FHIT: variants seen among roughly 807,000 people sequenced by gnomAD.
FHIT encodes bis(5'-adenosyl)-triphosphatase.
A neutral mutation model predicts 17.9 loss-of-function variants in FHIT; 19 were observed. The observed-to-expected ratio is 1.06, with a 90% CI of 0.74 to 1.56. The LOEUF is 1.56. Ranked by LOEUF, FHIT falls within the 40% of genes most tolerant of loss-of-function variation. The pLI is 0.00. For synonymous variants in FHIT, 81 were observed against 69.7 expected, an observed-to-expected ratio of 1.16 and a Z score of -0.81; for missense variants, 248 against 189.2, an observed-to-expected ratio of 1.31 and a Z score of -1.82.
At chr3:61,047,789 T>G (rs868655978) in intron 2 of FHIT, among the ~76,000 whole-genome samples, 1 of 151,434 alleles carries the variant, frequency 6.6e-6, no homozygotes, top group Middle Eastern at 3.4e-3. Flanking sequence ...TATAGACCAA[T>G]GGAACAGAAC....
At chr3:59,853,343 C>T (rs1702019593) in intron 8 of FHIT, among the ~76,000 whole-genome samples, 1 of 152,112 alleles carries the variant, frequency 6.6e-6, no homozygotes, top group African/African-American at 2.4e-5. Context: ...TCAAACTGGC[C>T]ATTGTAAGCT....
chr3:60,789,169 T>TAGAG (rs1223357758), intron 4 of FHIT, among the ~76,000 whole-genome samples: 12 of 125,034 alleles, frequency 9.6e-5, no homozygotes, highest in African/African-American at 2.2e-4. Context: ...TATATATATA[T>TAGAG]ATATATAGAG....
rs148013554 is a variant in FHIT at position 60,195,553 on chromosome 3, A to ATATATATATATATATATATT, written c.104-181402_104-181401insAATATATATATATATATATA. On this transcript the variant is annotated intron_variant, in intron 5 of 9. Coordinates refer to ENST00000492590, the MANE Select transcript of FHIT (RefSeq NM_002012.4). ...AGCGGATAAGGAAAATGTGATATAT[A>ATATATATATATATATATATT]TATATATTTATATTTATATAATTAT... Among the ~76,000 whole-genome samples, 150 of 136,486 alleles carry ATATATATATATATATATATT rather than the reference A, an allele frequency of 1.1e-3. 1 individual carries two copies. Among genetic ancestry groups the ATATATATATATATATATATT allele is most frequent in the East Asian group, 1.7e-3 (7 of 4,108 alleles). The allele number at this position is 136,486 out of a possible 152,430, so 89.5% of individuals were successfully genotyped here. A position where few individuals can be genotyped will look rare whatever the true frequency, so the allele number is the denominator to read the frequency against.
intron 5 of FHIT, among the ~76,000 whole-genome samples, chr3:60,103,436 G>C (rs751319300): frequency 2.0e-5 from 3 of 152,110 alleles, no homozygotes; most frequent in Non-Finnish European, 4.4e-5. Flanking sequence ...ACACGTTTTA[G>C]ACAAAAACAA....
intron 5 of FHIT, among the ~76,000 whole-genome samples, chr3:60,494,470 C>T (rs868043705): frequency 7.0e-6 from 1 of 142,102 alleles, no homozygotes; most frequent in Non-Finnish European, 1.5e-5. Context: ...GTGTTACAAA[C>T]AATCAAATTA....
intron 5 of FHIT, among the ~76,000 whole-genome samples, chr3:60,509,742 T>C (rs891990213): frequency 2.0e-5 from 3 of 152,246 alleles, no homozygotes; most frequent in Middle Eastern, 3.2e-3. Flanking sequence ...TCCAGACTAG[T>C]CTTTCATCCT....
intron 5 of FHIT, among the ~76,000 whole-genome samples, chr3:60,387,642 G>A (rs1701065007): frequency 6.6e-6 from 1 of 152,042 alleles, no homozygotes; most frequent in African/African-American, 2.4e-5. Flanking sequence ...GTCTCAGTCT[G>A]TCTGTTTCTC....
At chr3:60,480,984 T>A (rs2033582810) in intron 5 of FHIT, among the ~76,000 whole-genome samples, 1 of 152,168 alleles carries the variant, frequency 6.6e-6, no homozygotes. Flanking sequence ...CAACCCCACA[T>A]TTCCCCTTTG....
intron 5 of FHIT, among the ~76,000 whole-genome samples, chr3:60,354,373 G>A (rs1471532827): frequency 6.6e-6 from 1 of 152,076 alleles, no homozygotes; most frequent in Middle Eastern, 3.4e-3. Flanking sequence ...GAAAATCCAA[G>A]GCATAGGATT....
At chr3:60,269,046 AC>A (rs1706732381) in intron 5 of FHIT, among the ~76,000 whole-genome samples, 2 of 152,212 alleles carry the variant, frequency 1.3e-5, no homozygotes, top group South Asian at 4.1e-4. Flanking sequence ...AGCCCTGCTG[AC>A]ATCTTGATTT....
chr3:59,778,760 TCATAAGAAC>T (rs1364354729), intron 8 of FHIT, among the ~76,000 whole-genome samples: 1 of 152,198 alleles, frequency 6.6e-6, no homozygotes, highest in Non-Finnish European at 1.5e-5. Flanking sequence ...AGGCTTTGAA[TCATAAGAAC>T]CTTAAGGGTC....
chr3:60,580,345 T>G (rs1474014381), intron 4 of FHIT, among the ~76,000 whole-genome samples: 5 of 152,188 alleles, frequency 3.3e-5, no homozygotes, highest in East Asian at 1.9e-4. Context: ...TTAAACAAAT[T>G]TTGGAGTTCA....
chr3:60,863,344 T>G (rs1704007412), intron 3 of FHIT, among the ~76,000 whole-genome samples: 1 of 152,216 alleles, frequency 6.6e-6, no homozygotes, highest in South Asian at 2.1e-4. Flanking sequence ...ACAGCGCTGC[T>G]GATACCTCGA....
At chr3:60,979,003 T>C (rs552878835) in intron 3 of FHIT, among the ~76,000 whole-genome samples, 50 of 152,272 alleles carry the variant, frequency 3.3e-4, no homozygotes, top group African/African-American at 1.2e-3. Context: ...CCAGAACAGA[T>C]TGGGTTTTTG....
intron 2 of FHIT, among the ~76,000 whole-genome samples, chr3:61,044,313 G>A (rs1285117435): frequency 1.3e-5 from 2 of 152,134 alleles, no homozygotes; most frequent in Non-Finnish European, 2.9e-5. Flanking sequence ...TGAAAACCAT[G>A]GCTCAAGAAC....
At chr3:60,190,839 G>A (rs1339701043) in intron 5 of FHIT, among the ~76,000 whole-genome samples, 2 of 151,980 alleles carry the variant, frequency 1.3e-5, no homozygotes, top group East Asian at 3.9e-4. Context: ...GCTACTTGGG[G>A]AACTGAGGCA....
intron 7 of FHIT, among the ~76,000 whole-genome samples, chr3:59,932,115 T>G (rs1217744598): frequency 6.6e-6 from 1 of 152,184 alleles, no homozygotes; most frequent in African/African-American, 2.4e-5. Flanking sequence ...TCCTCCTCCA[T>G]GAGCACAGAG....
intron 5 of FHIT, among the ~76,000 whole-genome samples, chr3:60,226,618 G>C (rs78151343): frequency 6.6e-6 from 1 of 152,048 alleles, no homozygotes; most frequent in Non-Finnish European, 1.5e-5. Flanking sequence ...AACTGGGAAC[G>C]TGTCCAGGCT....
chr3:60,353,644 T>C (rs1230758715), intron 5 of FHIT, among the ~76,000 whole-genome samples: 1 of 152,110 alleles, frequency 6.6e-6, no homozygotes, highest in African/African-American at 2.4e-5. Flanking sequence ...TATGCAAACA[T>C]AGAGCTTTTG....
Sources: gnomAD v4.1 joint callset for allele counts (sites outside exome capture counted in the v4.1 genomes callset) on GRCh38, gnomAD v4.1.1 for gene constraint, MANE v1.5 for transcripts, NCBI Gene and HGNC (gene_info 2026-07-23, HGNC 2026-07-21) for gene names.